AUTS2: variants seen among roughly 807,000 people sequenced by gnomAD.
The protein encoded by AUTS2 is activator of transcription and developmental regulator AUTS2.
In AUTS2, 17 loss-of-function variants were observed where a neutral mutation model predicts 112.4. The ratio of observed to expected loss-of-function variants is 0.15; its 90% CI spans 0.10 to 0.23. The LOEUF (loss-of-function observed/expected upper bound fraction) is 0.23, where lower values mean the gene tolerates loss of function less well. AUTS2 is among the 10% of genes least tolerant of loss of function. The pLI is 1.00. For synonymous variants in AUTS2, 751 were observed against 702.7 expected, an observed-to-expected ratio of 1.07 and a Z score of -1.09; for missense variants, 1,510 against 1,701.6, an observed-to-expected ratio of 0.89 and a Z score of 1.98.
At chr7:70,536,126 G>A (rs1308219955) in intron 5 of AUTS2, among the ~76,000 whole-genome samples, 6 of 152,002 alleles carry the variant, frequency 3.9e-5, no homozygotes, top group South Asian at 2.1e-4. Flanking sequence ...TCAGGAGTTC[G>A]AAACCAGCCT....
At chr7:70,369,495 CAAAG>C (rs1190345842) in intron 4 of AUTS2, among the ~76,000 whole-genome samples, 1 of 151,836 alleles carries the variant, frequency 6.6e-6, no homozygotes, top group Non-Finnish European at 1.5e-5. Flanking sequence ...TGGAGGGTGT[CAAAG>C]GAAGGAAAGG....
intron 4 of AUTS2, among the ~76,000 whole-genome samples, chr7:70,169,070 A>G (rs1265516463): frequency 6.6e-6 from 1 of 152,154 alleles, no homozygotes; most frequent in Non-Finnish European, 1.5e-5. Flanking sequence ...GATTAGTTAC[A>G]TGAGATGGAT....
rs567417090 is a variant in AUTS2 at position 70,658,528 on chromosome 7, C to G, written c.691-40041C>G. Among the ~76,000 whole-genome samples, 87 of 152,362 alleles carry G rather than the reference C, an allele frequency of 5.7e-4. 2 individuals carry two copies. The South Asian group carries it at 0.015, about 26-fold the overall frequency. On this transcript the variant is annotated intron_variant, in intron 5 of 18. Transcript: ENST00000342771. ...CTCTACAACTCCCTCTGAGTTACCT[C>G]ACACAGACAAGAGCACAGGCTTCTG...
chr7:70,117,695 C>T (rs903018958), intron 2 of AUTS2, among the ~76,000 whole-genome samples: 5 of 151,610 alleles, frequency 3.3e-5, no homozygotes, highest in African/African-American at 9.7e-5. Flanking sequence ...GCTTGCCTGG[C>T]AGTATTCAGA....
intron 5 of AUTS2, among the ~76,000 whole-genome samples, chr7:70,583,730 C>T (rs1217814852): frequency 6.6e-6 from 1 of 152,248 alleles, no homozygotes; most frequent in African/African-American, 2.4e-5. Context: ...GCTCAGGCCT[C>T]TGCCGAGCAA....
At chr7:70,395,065 T>C (rs906205238) in intron 4 of AUTS2, among the ~76,000 whole-genome samples, 4 of 151,950 alleles carry the variant, frequency 2.6e-5, no homozygotes, top group African/African-American at 4.8e-5. Context: ...TAAAATGAGA[T>C]TTCTCTGTAA....
At chr7:69,940,594 A>G (rs74467799) in intron 2 of AUTS2, among the ~76,000 whole-genome samples, 2 of 152,308 alleles carry the variant, frequency 1.3e-5, no homozygotes, top group East Asian at 3.9e-4. Context: ...TCATGGAAAT[A>G]TAAAGGGCTA....
Position 70,214,971 on chromosome 7 carries a change from G to A in AUTS2, c.660+80400G>A, listed in dbSNP as rs374334001. Among the ~76,000 whole-genome samples, 10 of 152,256 alleles carry A rather than the reference G, an allele frequency of 6.6e-5. No homozygotes were observed. The East Asian group carries it at 1.7e-3, about 26-fold the overall frequency. ...AGTTTCCAAGACTGCAAGCTCAGGGGTTTATGGACCACTTTTAAAAGATAG... is the reference window on the plus strand; with the variant it reads ...AGTTTCCAAGACTGCAAGCTCAGGGATTTATGGACCACTTTTAAAAGATAG... On this transcript the variant is annotated intron_variant, in intron 4 of 18. Transcript: ENST00000342771.
chr7:70,377,325 A>AATAAATATAT (rs1793136400), intron 4 of AUTS2, among the ~76,000 whole-genome samples: 4 of 52,086 alleles, frequency 7.7e-5, no homozygotes, highest in Non-Finnish European at 1.5e-4. Context: ...AACAAATATA[A>AATAAATATAT]ATATATATAT....
intron 2 of AUTS2, among the ~76,000 whole-genome samples, chr7:70,007,227 A>T (rs1269551285): frequency 6.6e-6 from 1 of 152,230 alleles, no homozygotes; most frequent in Non-Finnish European, 1.5e-5. Flanking sequence ...ACTAAAAATG[A>T]TAACCTCAAT....
intron 4 of AUTS2, among the ~76,000 whole-genome samples, chr7:70,354,938 T>A (rs759415431): frequency 2.0e-5 from 3 of 151,978 alleles, no homozygotes; most frequent in Non-Finnish European, 2.9e-5. Context: ...TGCCTTATAT[T>A]TCTATTAGAA....
chr7:70,248,909 A>G (rs1050508286), intron 4 of AUTS2, among the ~76,000 whole-genome samples: 3 of 152,186 alleles, frequency 2.0e-5, no homozygotes, highest in South Asian at 2.1e-4. Flanking sequence ...AATTAACCAC[A>G]TATTTTCCCA....
intron 2 of AUTS2, among the ~76,000 whole-genome samples, chr7:70,005,115 G>A (rs573006300): frequency 2.0e-5 from 3 of 151,944 alleles, no homozygotes; most frequent in Non-Finnish European, 4.4e-5. Context: ...GCGAGCCACC[G>A]CGTCTGACTT....
At chr7:69,858,190 G>A (rs1056859086) in intron 1 of AUTS2, among the ~76,000 whole-genome samples, 2 of 152,178 alleles carry the variant, frequency 1.3e-5, no homozygotes, top group East Asian at 1.9e-4. Context: ...CAGAGTGCAC[G>A]TCCTTCGTGT....
chr7:69,721,053 A>G (rs1479173510), intron 1 of AUTS2, among the ~76,000 whole-genome samples: 1 of 152,204 alleles, frequency 6.6e-6, no homozygotes, highest in Non-Finnish European at 1.5e-5. Flanking sequence ...GCACCATCCA[A>G]TTGTTATGCT....
chr7:69,822,507 T>C (rs544721913), intron 1 of AUTS2, among the ~76,000 whole-genome samples: 2 of 152,320 alleles, frequency 1.3e-5, no homozygotes, highest in Admixed American at 1.3e-4. Context: ...TGTACCCTTT[T>C]TGCTCTAGAT....
intron 5 of AUTS2, among the ~76,000 whole-genome samples, chr7:70,471,491 C>A (rs4236237): frequency 0.55 from 83,674 of 151,920 alleles, 23,880 homozygotes; most frequent in East Asian, 0.83. Context: ...GTATTCAAGT[C>A]CCTCAAAATC....
At chr7:70,072,430 C>A (rs924550808) in intron 2 of AUTS2, among the ~76,000 whole-genome samples, 4 of 152,174 alleles carry the variant, frequency 2.6e-5, no homozygotes, top group Admixed American at 1.3e-4. Flanking sequence ...TAAGAACTGC[C>A]ACTTCATGAC....
chr7:70,082,054 C>G (rs555208058), intron 2 of AUTS2, among the ~76,000 whole-genome samples: 12 of 151,024 alleles, frequency 7.9e-5, no homozygotes, highest in Non-Finnish European at 1.6e-4. Context: ...TCATCTGGTT[C>G]TGTGTTGTGT....
Sources: allele counts gnomAD v4.1 joint callset (sites outside exome capture counted in the v4.1 genomes callset), GRCh38; gene constraint gnomAD v4.1.1; transcripts MANE v1.5; gene names NCBI Gene and HGNC (gene_info 2026-07-23, HGNC 2026-07-21).